Variants in EBF1 observed in about 807,000 individuals in gnomAD.
EBF1 encodes EBF transcription factor 1, also known as transcription factor COE1.
EBF1 carries 10 observed loss-of-function variants against 68.4 expected under a neutral mutation model. The ratio of observed to expected loss-of-function variants is 0.15; its 90% CI spans 0.09 to 0.25. EBF1 has a LOEUF of 0.25. Among genes scored for constraint, EBF1 ranks in the 10% least tolerant of loss-of-function variants. EBF1 has a pLI of 1.00. For missense variants in EBF1, 509 were observed against 794.4 expected, an observed-to-expected ratio of 0.64 and a Z score of 4.32; for synonymous variants, 298 against 299.8, an observed-to-expected ratio of 0.99 and a Z score of 0.06.
At position 158,849,872 on chromosome 5, in the gene EBF1, A is replaced by G. The variant is rs1026627879; in HGVS notation, c.555-9762T>C. ...GGATGTTGGCCCCATTCTACAAGGAATAAATTAGGAACTAAAGATTACGAG... is the reference window on the plus strand; with the variant it reads ...GGATGTTGGCCCCATTCTACAAGGAGTAAATTAGGAACTAAAGATTACGAG... On this transcript the variant is annotated intron_variant, in intron 6 of 15. Transcript: ENST00000313708. Among the ~76,000 whole-genome samples, 6 of 152,258 alleles carry G rather than the reference A, an allele frequency of 3.9e-5. No individual in the cohort carries two copies. In the East Asian group the frequency reaches 1.2e-3, roughly 29 times the overall value.
intron 6 of EBF1, among the ~76,000 whole-genome samples, chr5:158,922,127 G>C (rs1358247534): frequency 6.6e-6 from 1 of 152,216 alleles, no homozygotes; most frequent in East Asian, 1.9e-4. Context: ...TCAGGGGATA[G>C]AAAATCAGGA....
chr5:159,097,255 C>T, intron 1 of EBF1, 125 bp from the exon 2 acceptor site: 2 of 1,088,552 alleles, frequency 1.8e-6, no homozygotes, highest in Non-Finnish European at 2.6e-6. Flanking sequence ...CCAGTGGGCG[C>T]TCTTCACGCC....
intron 9 of EBF1, among the ~76,000 whole-genome samples, chr5:158,791,943 A>G (rs2127730690): frequency 6.6e-6 from 1 of 152,230 alleles, no homozygotes; most frequent in African/African-American, 2.4e-5. Flanking sequence ...ACCAGTGCTC[A>G]CTCTTTAGAA....
intron 6 of EBF1, among the ~76,000 whole-genome samples, chr5:159,031,325 C>A (rs943678967): frequency 2.6e-5 from 4 of 152,200 alleles, no homozygotes; most frequent in Non-Finnish European, 5.9e-5. Context: ...AATTCTTTAA[C>A]AACATGTCCA....
chr5:158,840,937 C>A (rs968406888), intron 6 of EBF1, among the ~76,000 whole-genome samples: 1 of 151,950 alleles, frequency 6.6e-6, no homozygotes, highest in Non-Finnish European at 1.5e-5. Flanking sequence ...TCCCAAAGTG[C>A]TGGGATTACA....
intron 6 of EBF1, among the ~76,000 whole-genome samples, chr5:158,868,330 TA>T (rs11404189): frequency 2.6e-5 from 4 of 151,164 alleles, no homozygotes; most frequent in Non-Finnish European, 3.0e-5. Context: ...ACATGCTGCC[TA>T]AAAAAAAATC....
intron 8 of EBF1, among the ~76,000 whole-genome samples, chr5:158,797,723 C>T (rs1381798456): frequency 6.6e-6 from 1 of 152,164 alleles, no homozygotes; most frequent in African/African-American, 2.4e-5. Context: ...GATTTTGATT[C>T]AAATTAATCT....
At chr5:159,098,484 G>A (rs1023689480) in intron 1 of EBF1, among the ~76,000 whole-genome samples, 2 of 151,888 alleles carry the variant, frequency 1.3e-5, no homozygotes, top group African/African-American at 4.8e-5. Context: ...GAACGAGATA[G>A]CAGAAATAAG....
intron 6 of EBF1, among the ~76,000 whole-genome samples, chr5:158,901,678 A>C: frequency 6.6e-6 from 1 of 152,270 alleles, no homozygotes; most frequent in Non-Finnish European, 1.5e-5. Flanking sequence ...GGCATATGTT[A>C]GTTATATGAA....
At chr5:158,955,539 C>T (rs1816887496) in intron 6 of EBF1, among the ~76,000 whole-genome samples, 1 of 152,188 alleles carries the variant, frequency 6.6e-6, no homozygotes, top group South Asian at 2.1e-4. Context: ...TGGAATGTGA[C>T]TGACTTTTAG....
chr5:159,030,760 A>C (rs1284027187), intron 6 of EBF1, among the ~76,000 whole-genome samples: 1 of 152,232 alleles, frequency 6.6e-6, no homozygotes. Flanking sequence ...CACAGGCCAA[A>C]TAAGTCAAAG....
At chr5:158,968,279 G>C (rs1754577934) in intron 6 of EBF1, among the ~76,000 whole-genome samples, 1 of 152,138 alleles carries the variant, frequency 6.6e-6, no homozygotes, top group Non-Finnish European at 1.5e-5. Context: ...ACATCACTTT[G>C]GTGGAAAGGA....
intron 6 of EBF1, among the ~76,000 whole-genome samples, chr5:159,003,369 A>G (rs1427147669): frequency 6.6e-6 from 1 of 152,194 alleles, no homozygotes; most frequent in Non-Finnish European, 1.5e-5. Flanking sequence ...TAATGACAAT[A>G]ATAATTTATT....
In EBF1 at chr5:158,857,129, G is replaced by A. The variant is rs1325559843; in HGVS notation, c.555-17019C>T. 4.6e-5 allele frequency among the ~76,000 whole-genome samples: 7 copies of A among 151,860 alleles called. No individual in the cohort carries two copies. The South Asian group carries it at 1.5e-3, about 32-fold the overall frequency. On this transcript the variant is annotated intron_variant, in intron 6 of 15. Transcript: ENST00000313708. ...TGTTGATGTGAAGACCAACTGTGTT[G>A]GTTAGATCTAACCCTGTTAGATCCT... is the stretch of plus-strand genomic sequence containing the variant.
chr5:158,947,381 A>T (rs1814989013), intron 6 of EBF1, among the ~76,000 whole-genome samples: 1 of 152,204 alleles, frequency 6.6e-6, no homozygotes, highest in Admixed American at 6.5e-5. Context: ...AAAGCATAGT[A>T]TCTGGGCCAG....
chr5:158,768,637 C>T (rs1416280593), intron 10 of EBF1, among the ~76,000 whole-genome samples: 1 of 152,048 alleles, frequency 6.6e-6, no homozygotes, highest in Non-Finnish European at 1.5e-5. Flanking sequence ...CTAGCGGGTC[C>T]CACGTCTCTT....
intron 6 of EBF1, among the ~76,000 whole-genome samples, chr5:158,871,718 G>C (rs543117160): frequency 1.8e-4 from 28 of 152,206 alleles, no homozygotes; most frequent in African/African-American, 5.1e-4. Context: ...CACAGATGGG[G>C]AGATAGAAGC....
chr5:158,736,490 T>G (rs1022937093), intron 10 of EBF1, among the ~76,000 whole-genome samples: 3 of 152,164 alleles, frequency 2.0e-5, no homozygotes, highest in Non-Finnish European at 4.4e-5. Flanking sequence ...TGACTGGAAA[T>G]AAAAAGAAAT....
intron 5 of EBF1, among the ~76,000 whole-genome samples, chr5:159,076,606 G>A (rs978052490): frequency 6.6e-6 from 1 of 151,996 alleles, no homozygotes; most frequent in African/African-American, 2.4e-5. Flanking sequence ...AGAATAAAGG[G>A]CTGGAGTTCA....
Sources: allele counts gnomAD v4.1 joint callset (sites outside exome capture counted in the v4.1 genomes callset), GRCh38; gene constraint gnomAD v4.1.1; transcripts MANE v1.5; gene names NCBI Gene and HGNC (gene_info 2026-07-23, HGNC 2026-07-21).